The following BMPER variants were observed in gnomAD, a reference collection of about 807,000 sequenced individuals.
The protein encoded by BMPER is BMP binding endothelial regulator, also known as BMP-binding endothelial regulator protein.
Under a neutral mutation model 87.3 loss-of-function variants are expected in BMPER, and 45 were observed. The ratio of observed to expected loss-of-function variants is 0.52; its 90% confidence interval spans 0.41 to 0.66. BMPER has a LOEUF of 0.66. Among genes scored for constraint, BMPER ranks in the 30% least tolerant of loss-of-function variants. BMPER has a pLI of 0.00. For missense variants in BMPER, 784 were observed against 867.5 expected (o/e 0.90, Z 1.21); for synonymous variants, 326 against 316.2 (o/e 1.03, Z -0.33).
At chr7:34,106,473 A>C (rs565396821) in intron 13 of BMPER, among the ~76,000 whole-genome samples, 1 of 152,340 alleles carries the variant, frequency 6.6e-6, no homozygotes, top group Non-Finnish European at 1.5e-5. Flanking sequence ...GGTGCCCTGC[A>C]TGTAGACAGG....
intron 13 of BMPER, among the ~76,000 whole-genome samples, chr7:34,138,802 G>A (rs1046750607): frequency 6.6e-6 from 1 of 152,146 alleles, no homozygotes; most frequent in African/African-American, 2.4e-5. Context: ...AGCACACTGG[G>A]CAGCCGTGTT....
At chr7:33,922,561 A>G (rs1369986962) in intron 2 of BMPER, among the ~76,000 whole-genome samples, 1 of 152,166 alleles carries the variant, frequency 6.6e-6, no homozygotes, top group Non-Finnish European at 1.5e-5. Context: ...TTCCGTCTCT[A>G]GTGATAAGCA....
At chr7:34,124,727 C>A (rs1362071328) in intron 13 of BMPER, among the ~76,000 whole-genome samples, 1 of 151,964 alleles carries the variant, frequency 6.6e-6, no homozygotes, top group East Asian at 1.9e-4. Context: ...GAAAAGCATC[C>A]TTTTTTTGAA....
intron 11 of BMPER, among the ~76,000 whole-genome samples, chr7:34,070,965 T>A (rs1325598456): frequency 2.0e-5 from 3 of 152,162 alleles, no homozygotes; most frequent in African/African-American, 7.2e-5. Context: ...CCAATTTATT[T>A]AGACAACTTG....
At chr7:34,031,577 A>G (rs1787516911) in intron 6 of BMPER, among the ~76,000 whole-genome samples, 1 of 151,888 alleles carries the variant, frequency 6.6e-6, no homozygotes, top group Non-Finnish European at 1.5e-5. Context: ...AGGAAAAGTC[A>G]CCACAGCTCT....
chr7:34,148,528 A>G (rs114418508), intron 14 of BMPER, among the ~76,000 whole-genome samples: 4 of 102,890 alleles, frequency 3.9e-5, no homozygotes, highest in African/African-American at 1.2e-4. Flanking sequence ...ATAGATACTC[A>G]GCAGATGTTT....
Position 34,057,995 on chromosome 7 carries a change from A to T in BMPER, c.928-64A>T, listed in dbSNP as rs377240830. Reference sequence around the variant, plus strand: ...ATGCTTTCCTCCATGGAGAGGTTACAGTCTGTTGCCTCAACTCCTGTCAGC... The same window carrying T: ...ATGCTTTCCTCCATGGAGAGGTTACTGTCTGTTGCCTCAACTCCTGTCAGC... On this transcript the variant is annotated intron_variant, in intron 9 of 14. Coordinates refer to ENST00000649409, the MANE Select transcript of BMPER (RefSeq NM_001365308.1). 2.4e-5 allele frequency: 34 copies of T among 1,430,166 alleles called. No homozygotes were observed. The African/African-American group carries it at 4.6e-4, about 19-fold the overall frequency. The allele number at this position is 1,430,166 out of a possible 1,614,324, so 88.6% of individuals were successfully genotyped here.
intron 2 of BMPER, among the ~76,000 whole-genome samples, chr7:33,929,180 C>T (rs1784427210): frequency 2.6e-5 from 4 of 152,110 alleles, no homozygotes; most frequent in African/African-American, 9.7e-5. Flanking sequence ...GGGGTAAAGA[C>T]TCGTTGAGCC....
chr7:34,110,523 CAGA>C (rs1210710730), intron 13 of BMPER, among the ~76,000 whole-genome samples: 6 of 152,148 alleles, frequency 3.9e-5, no homozygotes, highest in Non-Finnish European at 5.9e-5. Flanking sequence ...TCTGGAATCA[CAGA>C]AGTAGTGTGT....
At chr7:34,087,735 C>G (rs758271418) in intron 13 of BMPER, among the ~76,000 whole-genome samples, 2 of 152,100 alleles carry the variant, frequency 1.3e-5, no homozygotes, top group African/African-American at 2.4e-5. Context: ...TGGATTGGAC[C>G]CTTCTCTGCT....
chr7:34,037,616 T>C (rs557003694), intron 6 of BMPER, among the ~76,000 whole-genome samples: 2 of 152,346 alleles, frequency 1.3e-5, no homozygotes, highest in South Asian at 2.1e-4. Context: ...TAGTGGGAAC[T>C]TCAACTTAAG....
At chr7:33,928,259 G>GT (rs1328504916) in intron 2 of BMPER, among the ~76,000 whole-genome samples, 2 of 152,102 alleles carry the variant, frequency 1.3e-5, no homozygotes, top group African/African-American at 2.4e-5. Flanking sequence ...CTACCTGTTG[G>GT]TTTTTTGTTT....
chr7:34,065,304 TGA>T (rs1248526677), intron 11 of BMPER, among the ~76,000 whole-genome samples: 2 of 150,746 alleles, frequency 1.3e-5, no homozygotes, highest in East Asian at 3.9e-4. Flanking sequence ...TCAGTCTTAC[TGA>T]GAGTTTGGCC....
At chr7:34,087,450 A>G (rs1789245358) in intron 13 of BMPER, among the ~76,000 whole-genome samples, 1 of 152,228 alleles carries the variant, frequency 6.6e-6, no homozygotes, top group Admixed American at 6.5e-5. Flanking sequence ...GTGCCCCAGG[A>G]TTCAAAATCC....
At chr7:34,136,059 T>C (rs893631724) in intron 13 of BMPER, among the ~76,000 whole-genome samples, 1 of 152,154 alleles carries the variant, frequency 6.6e-6, no homozygotes, top group African/African-American at 2.4e-5. Context: ...CAGGCAGCCA[T>C]AGAACCTGGA....
At chr7:33,914,901 A>T (rs1219812423) in intron 2 of BMPER, among the ~76,000 whole-genome samples, 1 of 152,192 alleles carries the variant, frequency 6.6e-6, no homozygotes, top group Non-Finnish European at 1.5e-5. Flanking sequence ...GGAAGATTCT[A>T]GGAGGATGTC....
intron 13 of BMPER, among the ~76,000 whole-genome samples, chr7:34,094,446 A>C (rs541756410): frequency 3.2e-4 from 48 of 152,212 alleles, no homozygotes; most frequent in Non-Finnish European, 4.8e-4. Flanking sequence ...CCTTGAAGGG[A>C]ACGTGCCCTC....
chr7:33,966,841 G>A (rs1370130202), intron 4 of BMPER, among the ~76,000 whole-genome samples: 1 of 152,136 alleles, frequency 6.6e-6, no homozygotes, highest in Admixed American at 6.6e-5. Context: ...ACATGTCCTT[G>A]GGGAAAATTC....
At chr7:33,954,648 A>G (rs777297385) in intron 3 of BMPER, among the ~76,000 whole-genome samples, 13 of 152,248 alleles carry the variant, frequency 8.5e-5, no homozygotes, top group Non-Finnish European at 1.8e-4. Flanking sequence ...ATTTAAAAGT[A>G]TAAGCCTTTG....
Sources: gnomAD v4.1 joint callset for allele counts (sites outside exome capture counted in the v4.1 genomes callset) on GRCh38, gnomAD v4.1.1 for gene constraint, MANE v1.5 for transcripts, NCBI Gene and HGNC (gene_info 2026-07-23, HGNC 2026-07-21) for gene names.